CIB1: variants seen among roughly 807,000 people sequenced by gnomAD.
CIB1 encodes calcium and integrin-binding protein 1.
In CIB1, 19 loss-of-function variants were observed where a neutral mutation model predicts 25.0. That is an observed-to-expected ratio of 0.76 (90% confidence interval 0.53 to 1.12). The LOEUF (loss-of-function observed/expected upper bound fraction) is 1.12, where lower values mean the gene tolerates loss of function less well. Ranked by LOEUF, CIB1 falls within the 50% of genes most tolerant of loss-of-function variation. The pLI is 0.00. For missense variants in CIB1, 236 were observed against 242.6 expected (o/e 0.97, Z 0.18); for synonymous variants, 104 against 98.5 (o/e 1.06, Z -0.33).
Position 90,230,164 on chromosome 15 carries a change from G to A in CIB1, c.*320C>T. 2.5e-6 allele frequency: 1 copy of A among 397,452 alleles called. No individual in the cohort carries two copies. The highest frequency in any genetic ancestry group is 4.6e-6 in the Non-Finnish European group (1 of 217,088). 24.6% of individuals were successfully genotyped at this position (397,452 alleles called of 1,614,324 possible). A position where few individuals can be genotyped will look rare whatever the true frequency, so the allele number is the denominator to read the frequency against. On this transcript the variant is annotated 3_prime_UTR_variant, in exon 7 of 7. Coordinates refer to ENST00000328649, the MANE Select transcript of CIB1 (RefSeq NM_006384.4). ...CTTCCCGCTGGCCTCTGCTCGATAT[G>A]CTGCTTATTCCTAGGATGATTGAAG...
At chr15:90,261,062 A>G in the CIB1 span, among the ~76,000 whole-genome samples, 14 of 150,302 alleles carry the variant, frequency 9.3e-5, no homozygotes, top group African/African-American at 3.4e-4. Context: ...ATGAACGTAT[A>G]TTACCTTTTT....
chr15:90,234,785 T>C (rs766869292), upstream of CIB1, among the ~76,000 whole-genome samples: 2 of 152,178 alleles, frequency 1.3e-5, no homozygotes, highest in Non-Finnish European at 1.5e-5. Context: ...CTGCTGACCC[T>C]TTGCTCTTGT....
At chr15:90,250,587 T>C in the CIB1 span, 2 of 1,592,450 alleles carry the variant, frequency 1.3e-6, no homozygotes, top group South Asian at 1.1e-5. Context: ...TGAGGTCTGA[T>C]ATACACTTCA....
At chr15:90,265,680 G>T in the CIB1 span, 1 of 1,612,020 alleles carries the variant, frequency 6.2e-7, no homozygotes, top group South Asian at 1.1e-5. Context: ...CTGCTGTTTC[G>T]TAGCCGACTG....
At chr15:90,232,145 G>A in intron 3 of CIB1, 74 bp downstream of exon 3, 1 of 1,179,662 alleles carries the variant, frequency 8.5e-7, no homozygotes, top group South Asian at 1.4e-5. Flanking sequence ...CCCAAAGCTA[G>A]TGGCAGATGG....
chr15:90,265,564 A>G, the CIB1 span: 1 of 1,379,716 alleles, frequency 7.2e-7, no homozygotes, highest in Middle Eastern at 2.6e-4. Context: ...GCCACTGAGC[A>G]GCGTGAGCCC....
chr15:90,258,097 G>C, the CIB1 span: 2 of 1,614,186 alleles, frequency 1.2e-6, no homozygotes, highest in Non-Finnish European at 8.5e-7. Context: ...GGAGAGCTGT[G>C]GGGGGACATC....
chr15:90,251,402 G>T, the CIB1 span: 2 of 764,322 alleles, frequency 2.6e-6, no homozygotes, highest in Non-Finnish European at 4.5e-6. Context: ...GGGATTACAG[G>T]CATGAGCCAC....
chr15:90,257,179 C>T, the CIB1 span: 26 of 1,613,940 alleles, frequency 1.6e-5, no homozygotes, highest in Admixed American at 5.0e-5. Context: ...TGCGAGTCTA[C>T]GTCCTGATCA....
upstream of CIB1, among the ~76,000 whole-genome samples, chr15:90,235,471 G>A (rs1962613929): frequency 6.6e-6 from 1 of 152,014 alleles, no homozygotes; most frequent in Non-Finnish European, 1.5e-5. Flanking sequence ...CGGAGATTGT[G>A]CCACTGCAGT....
In CIB1 at chr15:90,231,103, T is replaced by C. The variant is rs1350454512; in HGVS notation, c.457A>G (p.Ile153Val). 4.3e-6 allele frequency: 7 copies of C among 1,613,518 alleles called. No individual in the cohort carries two copies. In the African/African-American group the frequency reaches 8.0e-5, roughly 18 times the overall value. The change falls in exon 5 of 7, where the codon ATC (isoleucine) becomes GTC (valine). Residue 153 changes from isoleucine (I) to valine (V), a missense_variant. Ile to Val is a conservative substitution (Grantham distance 29, BLOSUM62 3). Coordinates refer to ENST00000328649, the MANE Select transcript of CIB1 (RefSeq NM_006384.4). The part of the protein sequence containing the change: ...RLSASEMKQL[I>V]DNILEESDID... ...CCTGCTCAGCTGCTCACGTTGTCGA[T>C]GAGCTGCTTCATCTCAGACGCACTA...
chr15:90,230,613 C>A, intron 6 of CIB1, 108 bp from the exon 7 acceptor site: 1 of 1,212,960 alleles, frequency 8.2e-7, no homozygotes, highest in South Asian at 1.3e-5. Flanking sequence ...GGGCTATGTT[C>A]CGTGTGTCAG....
chr15:90,255,556 GGGTA>G, the CIB1 span, among the ~76,000 whole-genome samples: 1 of 152,016 alleles, frequency 6.6e-6, no homozygotes. Context: ...TGTGTGTGTT[GGGTA>G]GGAGTCACAG....
rs1162892167 is a variant in CIB1 at position 90,233,700 on chromosome 15, A to G, written c.55T>C (p.Leu19=). ...ATCTCCTGCTTCGTCAGGAACGTCA[A>G]GTCCTGGAAGGCAAAGCCAGAGCGG... ...SKELLAEYQD[L]TFLTKQEILL... The change falls in exon 2 of 7, where the codon TTG becomes CTG. Residue 19 remains leucine, a synonymous_variant. Transcript: ENST00000328649. The G allele has an allele frequency of 4.4e-6, 7 of 1,575,106 alleles. No homozygotes were observed. In the Admixed American group the frequency reaches 1.3e-4, roughly 29 times the overall value.
At chr15:90,238,784 G>C (rs193153443), upstream of CIB1, among the ~76,000 whole-genome samples, 4 of 152,120 alleles carry the variant, frequency 2.6e-5, no homozygotes, top group African/African-American at 9.7e-5. Flanking sequence ...CAAAAGAAGT[G>C]GTCATCTTTG....
chr15:90,258,127 C>G, the CIB1 span: 1 of 1,614,242 alleles, frequency 6.2e-7, no homozygotes, highest in South Asian at 1.1e-5. Flanking sequence ...ATCATCAAAA[C>G]CATCATCTCA....
the CIB1 span, among the ~76,000 whole-genome samples, chr15:90,248,718 CAAAAAAAAAAAAAAAAAAAAAA>C: frequency 0.013 from 374 of 27,786 alleles, 7 homozygotes; most frequent in East Asian, 0.05. Context: ...GACCCTGTCT[CAAAAAAAAAAAAAAAAAAAAAA>C]AAAAAAAAAA....
At chr15:90,256,416 T>G in the CIB1 span, 1 of 1,259,832 alleles carries the variant, frequency 7.9e-7, no homozygotes, top group African/African-American at 1.5e-5. Context: ...CTAGCCCCGT[T>G]TTCCTGGAGG....
chr15:90,257,511 C>A, the CIB1 span: 1 of 1,020,002 alleles, frequency 9.8e-7, no homozygotes, highest in Non-Finnish European at 1.4e-6. Flanking sequence ...GAATAGCAGT[C>A]CTCTGGTGGA....
Sources: gnomAD v4.1 joint callset for allele counts (sites outside exome capture counted in the v4.1 genomes callset) on GRCh38, gnomAD v4.1.1 for gene constraint, MANE v1.5 for transcripts, NCBI Gene and HGNC (gene_info 2026-07-23, HGNC 2026-07-21) for gene names.